Variants in DRGX observed in about 807,000 individuals in gnomAD.
The protein encoded by DRGX is dorsal root ganglia homeobox.
In DRGX, 21 loss-of-function variants were observed where a neutral mutation model predicts 28.6. The observed-to-expected ratio is 0.73, with a 90% CI of 0.52 to 1.06. The LOEUF (loss-of-function observed/expected upper bound fraction) is 1.06. DRGX is among the 50% of genes least tolerant of loss of function. The probability of loss-of-function intolerance (pLI) is 0.00; values close to 1 mark genes in which losing one functional copy is unlikely to be tolerated. For missense variants in DRGX, 354 were observed against 343.9 expected (o/e 1.03, Z -0.23); for synonymous variants, 136 against 139.1 (o/e 0.98, Z 0.16).
At chr10:49,387,318 C>T (rs1849850873) in intron 4 of DRGX, among the ~76,000 whole-genome samples, 1 of 152,118 alleles carries the variant, frequency 6.6e-6, no homozygotes, top group Non-Finnish European at 1.5e-5. Context: ...CATCTGGATA[C>T]ACATCATGAC....
At chr10:49,394,618 C>T (rs991684740) in intron 2 of DRGX, among the ~76,000 whole-genome samples, 16 of 152,210 alleles carry the variant, frequency 1.1e-4, no homozygotes, top group Non-Finnish European at 1.6e-4. Flanking sequence ...TTGGATCCCT[C>T]GGGTCCTGAG....
chr10:49,382,343 G>T (rs1051364198), intron 6 of DRGX, among the ~76,000 whole-genome samples: 6 of 152,176 alleles, frequency 3.9e-5, no homozygotes, highest in African/African-American at 1.4e-4. Context: ...AGCTCAGTCA[G>T]GTGCCTTCTA....
intron 6 of DRGX, among the ~76,000 whole-genome samples, chr10:49,373,861 C>T (rs2132472590): frequency 6.6e-6 from 1 of 152,140 alleles, no homozygotes; most frequent in South Asian, 2.1e-4. Context: ...CCATAGACCA[C>T]ATAAATCTAG....
At chr10:49,375,943 G>A (rs1849712050) in intron 6 of DRGX, among the ~76,000 whole-genome samples, 1 of 152,068 alleles carries the variant, frequency 6.6e-6, no homozygotes, top group Non-Finnish European at 1.5e-5. Context: ...TGCACTCCAG[G>A]GCCCCATTGA....
At chr10:49,366,676 T>C (rs1849605330) in intron 6 of DRGX, among the ~76,000 whole-genome samples, 1 of 152,258 alleles carries the variant, frequency 6.6e-6, no homozygotes, top group African/African-American at 2.4e-5. Context: ...CAGTTTCTAC[T>C]TCTGTAAAAT....
At chr10:49,377,387 C>A (rs1849727821) in intron 6 of DRGX, among the ~76,000 whole-genome samples, 1 of 152,244 alleles carries the variant, frequency 6.6e-6, no homozygotes, top group Admixed American at 6.5e-5. Flanking sequence ...ACCTTGATAC[C>A]TGTGGCAGTT....
intron 6 of DRGX, among the ~76,000 whole-genome samples, chr10:49,380,292 C>T (rs1849760733): frequency 6.6e-6 from 1 of 152,230 alleles, no homozygotes; most frequent in African/African-American, 2.4e-5. Flanking sequence ...AGCTAATGCA[C>T]CGAGGAGAGC....
At chr10:49,390,571 G>A (rs1053574440) in intron 3 of DRGX, among the ~76,000 whole-genome samples, 1 of 152,082 alleles carries the variant, frequency 6.6e-6, no homozygotes, top group East Asian at 1.9e-4. Context: ...AATTGTTATC[G>A]CTTTCACCAT....
At chr10:49,392,330 A>C (rs1849915360) in intron 2 of DRGX, among the ~76,000 whole-genome samples, 1 of 152,286 alleles carries the variant, frequency 6.6e-6, no homozygotes, top group South Asian at 2.1e-4. Context: ...TACTAGAGGA[A>C]GTTCCTTTTA....
chr10:49,369,548 C>T (rs1790559771), intron 6 of DRGX, among the ~76,000 whole-genome samples: 1 of 152,142 alleles, frequency 6.6e-6, no homozygotes, highest in South Asian at 2.1e-4. Flanking sequence ...CCCCAGAGTA[C>T]TCAAATTCCC....
In DRGX at chr10:49,378,136, C is replaced by G. The variant is rs888932980; in HGVS notation, c.526+8342G>C. On this transcript the variant is annotated intron_variant, in intron 6 of 6. Coordinates refer to ENST00000374139, the MANE Select transcript of DRGX (RefSeq NM_001276451.2). ...AATCATGCAGTCAGCTCAACAGTTACAGAAGAAGTGATGAAATTCAATATT... is the reference window on the plus strand; with the variant it reads ...AATCATGCAGTCAGCTCAACAGTTAGAGAAGAAGTGATGAAATTCAATATT... Among the ~76,000 whole-genome samples the G allele has an allele frequency of 6.9e-4, 105 of 152,036 alleles. 1 individual carries two copies. The highest frequency in any genetic ancestry group is 2.2e-4 in the Non-Finnish European group (15 of 67,996).
At chr10:49,384,327 C>T (rs571836055) in intron 6 of DRGX, among the ~76,000 whole-genome samples, 2 of 152,322 alleles carry the variant, frequency 1.3e-5, no homozygotes, top group Non-Finnish European at 2.9e-5. Flanking sequence ...CTCAAGGGCC[C>T]GCCATGCCCC....
chr10:49,370,005 G>C (rs545595599), intron 6 of DRGX, among the ~76,000 whole-genome samples: 1 of 152,066 alleles, frequency 6.6e-6, no homozygotes, highest in Non-Finnish European at 1.5e-5. Flanking sequence ...AGGAAGCTTC[G>C]CAGGGTTTTC....
chr10:49,382,189 C>T (rs1849783416), intron 6 of DRGX, among the ~76,000 whole-genome samples: 1 of 152,174 alleles, frequency 6.6e-6, no homozygotes, highest in South Asian at 2.1e-4. Context: ...AAAGTGGTGT[C>T]TGGTAGTGCC....
chr10:49,379,238 G>C (rs1206050946), intron 6 of DRGX, among the ~76,000 whole-genome samples: 1 of 152,186 alleles, frequency 6.6e-6, no homozygotes, highest in Non-Finnish European at 1.5e-5. Flanking sequence ...AAAGTCAGCA[G>C]AGCGGTGTCT....
rs368876250 is a variant in DRGX, at chr10:49,394,947, C to T, written c.34+460G>A. On this transcript the variant is annotated intron_variant, in intron 2 of 6. Transcript: ENST00000374139. ...GAAGAGGCCCCTGCAGTGTTCTCGCCAGCGGCCCCAGTGAGAGCAGCCCAG... is the reference window on the plus strand; with the variant it reads ...GAAGAGGCCCCTGCAGTGTTCTCGCTAGCGGCCCCAGTGAGAGCAGCCCAG... 2.8e-4 allele frequency among the ~76,000 whole-genome samples: 42 copies of T among 152,380 alleles called. No homozygotes were observed. In the South Asian group the frequency reaches 8.5e-3, roughly 31 times the overall value.
chr10:49,388,777 T>C (rs530611145), intron 4 of DRGX, among the ~76,000 whole-genome samples: 48 of 145,252 alleles, frequency 3.3e-4, no homozygotes, highest in African/African-American at 1.2e-3. Context: ...TTATAGAACA[T>C]TAATCATATT....
At position 49,386,572 on chromosome 10, in the gene DRGX, A is replaced by T; in HGVS notation, c.432T>A (p.Gly144=). Residue 144 remains glycine, a synonymous_variant, in exon 6 of 7, where the codon GGT becomes GGA. Coordinates refer to ENST00000374139, the MANE Select transcript of DRGX (RefSeq NM_001276451.2). Reference sequence around the variant, plus strand: ...AGGAGGGGAAGAAAGGCCCTGCAGGACCTACCGTTCGCCCCAGGCTGGCAA... The same window carrying T: ...AGGAGGGGAAGAAAGGCCCTGCAGGTCCTACCGTTCGCCCCAGGCTGGCAA... ...EAQQSLGRTV[G]PAGPFFPSCL... is the part of the protein sequence containing the mutation. The T allele has an allele frequency of 6.3e-7, 1 of 1,592,162 alleles. No individual in the cohort carries two copies. Among genetic ancestry groups the T allele is most frequent in the Non-Finnish European group, 8.6e-7 (1 of 1,169,278 alleles).
chr10:49,371,026 G>A lies in DRGX; in HGVS notation c.527-4645C>T, dbSNP rs188528185. On this transcript the variant is annotated intron_variant, in intron 6 of 6. Coordinates refer to ENST00000374139, the MANE Select transcript of DRGX (RefSeq NM_001276451.2). Reference sequence around the variant, plus strand: ...CACCCTAAAGAGAAAAGCAGTGGGGGGATAGGAACTACAGTGATCTCGGCA... The same window carrying A: ...CACCCTAAAGAGAAAAGCAGTGGGGAGATAGGAACTACAGTGATCTCGGCA... Among the ~76,000 whole-genome samples, 128 of 152,264 alleles carry A rather than the reference G, an allele frequency of 8.4e-4. 1 individual carries two copies. The highest frequency in any genetic ancestry group is 3.0e-3 in the African/African-American group (123 of 41,548).
Sources: allele counts gnomAD v4.1 joint callset (sites outside exome capture counted in the v4.1 genomes callset), GRCh38; gene constraint gnomAD v4.1.1; transcripts MANE v1.5; gene names NCBI Gene and HGNC (gene_info 2026-07-23, HGNC 2026-07-21).